Variants in NDUFB3 observed in about 807,000 individuals in gnomAD.
The protein encoded by NDUFB3 is NADH:ubiquinone oxidoreductase subunit B3, also known as NADH dehydrogenase [ubiquinone] 1 beta subcomplex subunit 3.
In NDUFB3, 7 loss-of-function variants were observed where a neutral mutation model predicts 9.0. The observed-to-expected ratio is 0.78, with a 90% CI of 0.44 to 1.46. The LOEUF (loss-of-function observed/expected upper bound fraction) is 1.46. Among genes scored for constraint, NDUFB3 ranks in the 40% most tolerant of loss-of-function variants. The pLI is 0.01. For missense variants in NDUFB3, 93 were observed against 115.4 expected, an observed-to-expected ratio of 0.81 and a Z score of 0.89; for synonymous variants, 29 against 38.5, an observed-to-expected ratio of 0.75 and a Z score of 0.91.
At position 201,078,960 on chromosome 2, in the gene NDUFB3, G is replaced by A. The variant is rs1333424223; in HGVS notation, c.78G>A (p.Gly26=). The change falls in exon 2 of 3, where the codon GGG becomes GGA. Residue 26 remains glycine, a synonymous_variant. Coordinates refer to ENST00000237889, the MANE Select transcript of NDUFB3 (RefSeq NM_002491.3). ...ATTATAGACAATGGAAGATAGAAGG[G>A]ACACCATTAGAAACTATCCAGAAGA... ...LPDYRQWKIE[G]TPLETIQKKL... 6.2e-7 allele frequency: 1 copy of A among 1,613,556 alleles called. No individual in the cohort carries two copies. Among genetic ancestry groups the A allele is most frequent in the East Asian group, 2.2e-5 (1 of 44,862 alleles).
At position 201,085,675 on chromosome 2, in the gene NDUFB3, T is replaced by C; in HGVS notation, c.*60T>C. ...ACTCTCCAAAATAAGATTTCTTCTC[T>C]GTAGCCTACTTGTCTGGTTTATCCC... On this transcript the variant is annotated 3_prime_UTR_variant, in exon 3 of 3. Coordinates refer to ENST00000237889, the MANE Select transcript of NDUFB3 (RefSeq NM_002491.3). The C allele has an allele frequency of 6.9e-7, 1 of 1,448,540 alleles. No homozygotes were observed. The highest frequency in any genetic ancestry group is 1.3e-5 in the South Asian group (1 of 76,148). 89.7% of individuals were successfully genotyped at this position (1,448,540 alleles called of 1,614,324 possible).
intron 1 of NDUFB3, among the ~76,000 whole-genome samples, chr2:201,076,520 T>C (rs917105146): frequency 1.2e-4 from 17 of 146,068 alleles, no homozygotes; most frequent in Non-Finnish European, 2.6e-4. Flanking sequence ...TATAATTAAA[T>C]GTGAAAATCA....
intron 2 of NDUFB3, among the ~76,000 whole-genome samples, chr2:201,080,966 G>T (rs985917554): frequency 1.1e-4 from 16 of 151,690 alleles, no homozygotes; most frequent in Non-Finnish European, 4.4e-5. Flanking sequence ...GCCTCCCAAA[G>T]TGCTGGGATT....
chr2:201,074,801 C>T (rs920720489), intron 1 of NDUFB3, among the ~76,000 whole-genome samples: 3 of 152,088 alleles, frequency 2.0e-5, no homozygotes, highest in Non-Finnish European at 4.4e-5. Context: ...AATGGTTGTG[C>T]TTAGTTACAT....
intron 1 of NDUFB3, among the ~76,000 whole-genome samples, chr2:201,077,591 A>G (rs1032957553): frequency 6.6e-6 from 1 of 152,216 alleles, no homozygotes; most frequent in Non-Finnish European, 1.5e-5. Flanking sequence ...ACAAATGAAC[A>G]TTTGTAATGA....
rs58130221 is a variant in NDUFB3 at position 201,080,699 on chromosome 2, CTTTTTTTTTTTTTTTTTTT to C, written c.140+1682_140+1700del. Among the ~76,000 whole-genome samples, 4 of 99,028 alleles carry C rather than the reference CTTTTTTTTTTTTTTTTTTT, an allele frequency of 4.0e-5. No individual in the cohort carries two copies. In the East Asian group the frequency reaches 1.2e-3, roughly 29 times the overall value. 65.0% of individuals were successfully genotyped at this position (99,028 alleles called of 152,430 possible). The stretch of plus-strand genomic sequence containing the variant: ...AAATTACATAGCATAAGATCTCCAA[CTTTTTTTTTTTTTTTTTTT>C]TTTTGAGACAGAGTCTCACTCTGTC... On this transcript the variant is annotated intron_variant, in intron 2 of 2. Coordinates refer to ENST00000237889, the MANE Select transcript of NDUFB3 (RefSeq NM_002491.3).
intron 1 of NDUFB3, among the ~76,000 whole-genome samples, chr2:201,077,024 C>T (rs1025361757): frequency 3.3e-5 from 5 of 151,934 alleles, no homozygotes; most frequent in Admixed American, 3.3e-4. Flanking sequence ...CGCTTGAACC[C>T]AGGAGGCGGA....
intron 2 of NDUFB3, among the ~76,000 whole-genome samples, chr2:201,081,815 AT>A (rs757230724): frequency 2.2e-3 from 235 of 107,014 alleles, no homozygotes; most frequent in South Asian, 2.7e-3. Context: ...CGCCCAGCTA[AT>A]TTTTTTTTTT....
intron 2 of NDUFB3, among the ~76,000 whole-genome samples, chr2:201,082,993 G>A (rs979975758): frequency 1.8e-4 from 28 of 151,984 alleles, no homozygotes; most frequent in African/African-American, 6.5e-4. Context: ...GATTACAGGC[G>A]TGAGCCACCG....
intron 2 of NDUFB3, 83 bp from the exon 3 acceptor site, chr2:201,085,376 T>C: frequency 9.2e-7 from 1 of 1,085,496 alleles, no homozygotes; most frequent in Non-Finnish European, 1.3e-6. Context: ...TTTAAGTCAA[T>C]TAGAAAGATG....
chr2:201,078,402 G>C (rs2047188792), intron 1 of NDUFB3, among the ~76,000 whole-genome samples: 1 of 152,166 alleles, frequency 6.6e-6, no homozygotes, highest in Non-Finnish European at 1.5e-5. Context: ...CCTTTGGAAA[G>C]TTACTTAATT....
intron 2 of NDUFB3, among the ~76,000 whole-genome samples, chr2:201,080,830 A>G (rs1181317539): frequency 6.6e-6 from 1 of 150,800 alleles, no homozygotes; most frequent in Non-Finnish European, 1.5e-5. Flanking sequence ...CAGCCTCCTA[A>G]ATAGCTGGGA....
In NDUFB3 at chr2:201,073,640, C is replaced by T. The variant is rs533237861; in HGVS notation, c.-3+1581C>T. Among the ~76,000 whole-genome samples, 191 of 151,998 alleles carry T rather than the reference C, an allele frequency of 1.3e-3. 1 individual carries two copies. The highest frequency in any genetic ancestry group is 1.2e-3 in the South Asian group (6 of 4,820). On this transcript the variant is annotated intron_variant, in intron 1 of 2. Transcript: ENST00000237889. ...AAAATTAGCCGGGTGTGGTGGTGCA[C>T]GCCTGTAATCCCAGCTACTCGGTAG...
Position 201,078,234 on chromosome 2 carries a change from G to A in NDUFB3, c.-2-647G>A, listed in dbSNP as rs1240377292. 2.6e-5 allele frequency among the ~76,000 whole-genome samples: 4 copies of A among 152,038 alleles called. No homozygotes were observed. In the East Asian group the frequency reaches 5.8e-4, roughly 22 times the overall value. On this transcript the variant is annotated intron_variant, in intron 1 of 2. Coordinates refer to ENST00000237889, the MANE Select transcript of NDUFB3 (RefSeq NM_002491.3). ...GGAGAATGGCGTGAACCCGGGAGGC[G>A]GAGCTTGCAGTGAGCCAAGATTGCA...
chr2:201,076,183 G>A (rs1254410768), intron 1 of NDUFB3, among the ~76,000 whole-genome samples: 1 of 151,160 alleles, frequency 6.6e-6, no homozygotes, highest in Non-Finnish European at 1.5e-5. Flanking sequence ...TGAGAGTATC[G>A]GTTTTCATTT....
chr2:201,083,813 T>G (rs1290140376), intron 2 of NDUFB3, among the ~76,000 whole-genome samples: 2 of 152,242 alleles, frequency 1.3e-5, no homozygotes, highest in Non-Finnish European at 2.9e-5. Context: ...TTCATTATGA[T>G]GTATTACCAT....
intron 1 of NDUFB3, among the ~76,000 whole-genome samples, chr2:201,072,993 T>C (rs749872808): frequency 6.6e-6 from 1 of 152,184 alleles, no homozygotes; most frequent in Non-Finnish European, 1.5e-5. Context: ...TAAACAGTTA[T>C]ACAGTATATA....
chr2:201,076,512 T>TATATAA (rs1250913348), intron 1 of NDUFB3, among the ~76,000 whole-genome samples: 9 of 134,420 alleles, frequency 6.7e-5, no homozygotes, highest in African/African-American at 2.0e-4. Context: ...TATATATATA[T>TATATAA]AATTAAATGT....
intron 1 of NDUFB3, among the ~76,000 whole-genome samples, chr2:201,075,057 A>T (rs2047146834): frequency 6.6e-6 from 1 of 152,044 alleles, no homozygotes; most frequent in Admixed American, 6.6e-5. Context: ...GTTTAAAAAG[A>T]AAAATGGGCC....
Sources: gnomAD v4.1 joint callset for allele counts (sites outside exome capture counted in the v4.1 genomes callset) on GRCh38, gnomAD v4.1.1 for gene constraint, MANE v1.5 for transcripts, NCBI Gene and HGNC (gene_info 2026-07-23, HGNC 2026-07-21) for gene names.